The following ZFYVE28 variants were observed in gnomAD, a reference collection of about 807,000 sequenced individuals.
The protein encoded by ZFYVE28 is lateral signaling target protein 2 homolog.
ZFYVE28 carries 40 observed loss-of-function variants against 82.1 expected under a neutral mutation model. The ratio of observed to expected loss-of-function variants is 0.49; its 90% CI spans 0.38 to 0.63. ZFYVE28 has a LOEUF of 0.63. Ranked by LOEUF, ZFYVE28 falls within the 30% of genes least tolerant of loss-of-function variation. ZFYVE28 has a pLI of 0.00. For missense variants in ZFYVE28, 1,321 were observed against 1,242.1 expected (o/e 1.06, Z -0.96); for synonymous variants, 612 against 546.1 (o/e 1.12, Z -1.68).
At position 2,292,049 on chromosome 4, in the gene ZFYVE28, G is replaced by A. The variant is rs191431569; in HGVS notation, c.2051+12240C>T. On this transcript the variant is annotated intron_variant, in intron 8 of 12. Coordinates refer to ENST00000290974, the MANE Select transcript of ZFYVE28 (RefSeq NM_020972.3). Reference sequence around the variant, plus strand: ...TTTCCACTTAGCCTAGAGCCAGCACGTCCCCCAACCAGGCTCCTCAGTCAC... The same window carrying A: ...TTTCCACTTAGCCTAGAGCCAGCACATCCCCCAACCAGGCTCCTCAGTCAC... Among the ~76,000 whole-genome samples the A allele has an allele frequency of 9.2e-5, 14 of 152,258 alleles. 1 individual carries two copies. The East Asian group carries it at 1.4e-3, about 15-fold the overall frequency.
chr4:2,293,648 G>A (rs1344881564), intron 8 of ZFYVE28, among the ~76,000 whole-genome samples: 1 of 151,128 alleles, frequency 6.6e-6, no homozygotes, highest in Non-Finnish European at 1.5e-5. Context: ...AGCTACTCGG[G>A]AGGCTGAGGC....
At chr4:2,377,585 A>G (rs548129277) in intron 1 of ZFYVE28, among the ~76,000 whole-genome samples, 1 of 152,318 alleles carries the variant, frequency 6.6e-6, no homozygotes, top group South Asian at 2.1e-4. Flanking sequence ...ATTTGGGTCT[A>G]AAATTCGGGG....
At chr4:2,397,566 C>G (rs1051512091) in intron 1 of ZFYVE28, among the ~76,000 whole-genome samples, 6 of 152,158 alleles carry the variant, frequency 3.9e-5, no homozygotes, top group African/African-American at 1.4e-4. Context: ...AAACTCTGTC[C>G]CCATTAAACA....
intron 8 of ZFYVE28, among the ~76,000 whole-genome samples, chr4:2,283,344 T>TATCC (rs145125230): frequency 0.064 from 7,711 of 120,174 alleles, 703 homozygotes; most frequent in African/African-American, 0.18. Context: ...CCCATCCATT[T>TATCC]ATCCATCCAT....
chr4:2,414,710 CT>C (rs1732859115), intron 1 of ZFYVE28, among the ~76,000 whole-genome samples: 1 of 152,174 alleles, frequency 6.6e-6, no homozygotes, highest in Non-Finnish European at 1.5e-5. Flanking sequence ...GCCAGGAAAT[CT>C]CTCCCAGGTC....
intron 1 of ZFYVE28, among the ~76,000 whole-genome samples, chr4:2,395,788 C>A (rs541785294): frequency 7.7e-4 from 117 of 151,916 alleles, no homozygotes; most frequent in African/African-American, 2.7e-3. Context: ...ACCCAGATAA[C>A]GGTCCAAGAT....
chr4:2,351,665 G>A (rs764430156), intron 2 of ZFYVE28, among the ~76,000 whole-genome samples: 1 of 152,200 alleles, frequency 6.6e-6, no homozygotes, highest in Non-Finnish European at 1.5e-5. Context: ...AGTGAGCCGA[G>A]ATCGTATGAC....
chr4:2,272,214 G>C (rs941461250), intron 10 of ZFYVE28, among the ~76,000 whole-genome samples: 4 of 152,228 alleles, frequency 2.6e-5, no homozygotes, highest in African/African-American at 9.6e-5. Context: ...GAGCTGGGTC[G>C]GCACATGGGC....
At chr4:2,299,972 T>C (rs1287200743) in intron 8 of ZFYVE28, among the ~76,000 whole-genome samples, 2 of 152,102 alleles carry the variant, frequency 1.3e-5, no homozygotes, top group Non-Finnish European at 2.9e-5. Context: ...AATTTACTTT[T>C]ACTTTTCATG....
chr4:2,328,890 C>T (rs1689978068), intron 6 of ZFYVE28: 1 of 395,174 alleles, frequency 2.5e-6, no homozygotes, highest in South Asian at 1.0e-4. Flanking sequence ...CTGTTCTTTC[C>T]TTATTGAATG....
intron 1 of ZFYVE28, among the ~76,000 whole-genome samples, chr4:2,385,242 T>C (rs1729130529): frequency 2.0e-5 from 3 of 152,202 alleles, no homozygotes; most frequent in Non-Finnish European, 2.9e-5. Flanking sequence ...AGCACAGTGA[T>C]GACCCTGGCC....
At chr4:2,392,036 C>A (rs542999545) in intron 1 of ZFYVE28, among the ~76,000 whole-genome samples, 68 of 151,900 alleles carry the variant, frequency 4.5e-4, no homozygotes, top group African/African-American at 1.6e-3. Context: ...CGCCTATAAT[C>A]CTGACTACTA....
chr4:2,340,575 T>G (rs963778948), intron 3 of ZFYVE28, among the ~76,000 whole-genome samples: 14 of 152,092 alleles, frequency 9.2e-5, no homozygotes, highest in African/African-American at 2.7e-4. Context: ...GGCACAGAGC[T>G]TGGGGCACCA....
rs375739755 is a variant in ZFYVE28, at chr4:2,341,649, G to C, written c.181-34C>G. 6.3e-7 allele frequency: 1 copy of C among 1,590,988 alleles called. No individual in the cohort carries two copies. Among genetic ancestry groups the C allele is most frequent in the Non-Finnish European group, 8.6e-7 (1 of 1,162,314 alleles). On this transcript the variant is annotated intron_variant, in intron 2 of 12. Coordinates refer to ENST00000290974, the MANE Select transcript of ZFYVE28 (RefSeq NM_020972.3). This position sits in a 1 kb window ranked among gnomAD's most constrained non-coding sequence, Gnocchi z 4.5. ...GAAGACAGGAGAAAGTGCGCCAATCGCTGTGTCCAGCTGGCGGCCGCCATG... is the reference window on the plus strand; with the variant it reads ...GAAGACAGGAGAAAGTGCGCCAATCCCTGTGTCCAGCTGGCGGCCGCCATG...
intron 8 of ZFYVE28, among the ~76,000 whole-genome samples, chr4:2,299,230 G>C (rs1038256959): frequency 6.6e-6 from 1 of 152,110 alleles, no homozygotes; most frequent in Non-Finnish European, 1.5e-5. Context: ...AAACGCAGGC[G>C]CTAACAGAAC....
intron 2 of ZFYVE28, among the ~76,000 whole-genome samples, chr4:2,346,775 A>G (rs190930650): frequency 1.3e-3 from 197 of 152,280 alleles, no homozygotes; most frequent in African/African-American, 4.4e-3. Flanking sequence ...CAAAGGAGAC[A>G]AAGCAGAAGC....
At chr4:2,374,055 A>G (rs956034258) in intron 1 of ZFYVE28, among the ~76,000 whole-genome samples, 12 of 152,088 alleles carry the variant, frequency 7.9e-5, no homozygotes, top group African/African-American at 2.9e-4. Context: ...CATCCAACCC[A>G]TGGGTCTCCA....
chr4:2,355,336 C>T (rs1352782204), intron 1 of ZFYVE28, among the ~76,000 whole-genome samples: 1 of 131,540 alleles, frequency 7.6e-6, no homozygotes, highest in Non-Finnish European at 1.6e-5. Flanking sequence ...GGCTGGAGTG[C>T]AGTGGCGTGA....
chr4:2,292,648 G>T (rs1713911197), intron 8 of ZFYVE28, among the ~76,000 whole-genome samples: 1 of 152,216 alleles, frequency 6.6e-6, no homozygotes, highest in Admixed American at 6.5e-5. Flanking sequence ...CTGCTAGAAA[G>T]ACATTGATTT....
Sources: gnomAD v4.1 joint callset for allele counts (sites outside exome capture counted in the v4.1 genomes callset) on GRCh38, gnomAD v4.1.1 for gene constraint, Gnocchi (gnomAD v3.1) non-coding constraint, MANE v1.5 for transcripts, NCBI Gene and HGNC (gene_info 2026-07-23, HGNC 2026-07-21) for gene names.